The following KCNH8 variants were observed in gnomAD, a reference collection of about 807,000 sequenced individuals.
KCNH8 encodes voltage-gated delayed rectifier potassium channel KCNH8.
KCNH8 carries 70 observed loss-of-function variants against 103.6 expected under a neutral mutation model. That is an observed-to-expected ratio of 0.68 (90% CI 0.56 to 0.82). The LOEUF is 0.82. Ranked by LOEUF, KCNH8 falls within the 40% of genes least tolerant of loss-of-function variation. The pLI, the probability that KCNH8 is intolerant of heterozygous loss-of-function variation, is 0.00. For synonymous variants in KCNH8, 498 were observed against 489.4 expected, an observed-to-expected ratio of 1.02 and a Z score of -0.23; for missense variants, 1,217 against 1,329.9, an observed-to-expected ratio of 0.92 and a Z score of 1.32.
intron 11 of KCNH8, among the ~76,000 whole-genome samples, chr3:19,495,838 G>A (rs1457165320): frequency 6.6e-6 from 1 of 152,018 alleles, no homozygotes; most frequent in African/African-American, 2.4e-5. Context: ...TGAGCATGGA[G>A]TGTTTTTCCA....
chr3:19,357,018 A>AT (rs1040670229), intron 5 of KCNH8, among the ~76,000 whole-genome samples: 1 of 151,828 alleles, frequency 6.6e-6, no homozygotes, highest in African/African-American at 2.4e-5. Context: ...AAAAAAAGCA[A>AT]TTTTTTGTAG....
At chr3:19,386,148 C>T (rs553526552) in intron 5 of KCNH8, among the ~76,000 whole-genome samples, 5 of 152,046 alleles carry the variant, frequency 3.3e-5, no homozygotes, top group South Asian at 4.2e-4. Flanking sequence ...CTTTTTAGTC[C>T]GCATAAATAG....
intron 11 of KCNH8, among the ~76,000 whole-genome samples, chr3:19,462,549 T>A (rs2125193768): frequency 6.6e-6 from 1 of 152,336 alleles, no homozygotes; most frequent in South Asian, 2.1e-4. Context: ...TAGCCCTTTG[T>A]CAGGTGGGTA....
At chr3:19,489,645 C>T (rs1292962605) in intron 11 of KCNH8, among the ~76,000 whole-genome samples, 1 of 152,096 alleles carries the variant, frequency 6.6e-6, no homozygotes, top group Non-Finnish European at 1.5e-5. Flanking sequence ...AATTTTTCAA[C>T]ATAGTTCCTA....
rs529061938 is a variant in KCNH8, at chr3:19,518,053, G to C, written c.2598G>C (p.Gln866His). The C allele has an allele frequency of 3.5e-5, 57 of 1,612,096 alleles. No individual in the cohort carries two copies. Among genetic ancestry groups the C allele is most frequent in the Middle Eastern group, 3.3e-4 (2 of 6,040 alleles). ...LFIKAEETKQ[Q>H]INKLNSEVTT... ...TCAAAGCAGAGGAGACCAAGCAGCA[G>C]ATAAACAAACTCAACAGTGAGGTAT... The change falls in exon 15 of 16, where the codon CAG (glutamine) becomes CAC (histidine). Residue 866 changes from glutamine (Q) to histidine (H), a missense_variant. Gln to His is a conservative substitution (Grantham distance 24). Transcript: ENST00000328405.
Position 19,457,001 on chromosome 3 carries a change from T to A in KCNH8, c.2040+19T>A. 1 of 1,538,332 alleles carries A rather than the reference T, an allele frequency of 6.5e-7. No homozygotes were observed. The highest frequency in any genetic ancestry group is 9.0e-7 in the Non-Finnish European group (1 of 1,113,074). On this transcript the variant is annotated intron_variant, in intron 11 of 15. Coordinates refer to ENST00000328405, the MANE Select transcript of KCNH8 (RefSeq NM_144633.3). ...GAGTGATGTAAGTCCCATTTCTAAT[T>A]AGTGCTAAGACCTAATAACATTGGG...
intron 1 of KCNH8, among the ~76,000 whole-genome samples, chr3:19,237,170 A>G (rs2064077154): frequency 6.6e-6 from 1 of 152,222 alleles, no homozygotes; most frequent in Non-Finnish European, 1.5e-5. Context: ...GGTCACAGGT[A>G]GCATCTGTAG....
At chr3:19,463,054 T>C (rs995919514) in intron 11 of KCNH8, among the ~76,000 whole-genome samples, 3 of 152,158 alleles carry the variant, frequency 2.0e-5, no homozygotes, top group Non-Finnish European at 4.4e-5. Flanking sequence ...CAATACAGTA[T>C]AACAACTATT....
chr3:19,490,566 T>C (rs886648537), intron 11 of KCNH8, among the ~76,000 whole-genome samples: 8 of 152,222 alleles, frequency 5.3e-5, no homozygotes, highest in African/African-American at 1.9e-4. Context: ...GGGGTCGATC[T>C]TTAACTACCA....
chr3:19,519,645 C>T (rs542964532), intron 15 of KCNH8, among the ~76,000 whole-genome samples: 1 of 151,256 alleles, frequency 6.6e-6, no homozygotes, highest in Non-Finnish European at 1.5e-5. Context: ...CAAATAACCT[C>T]TTGTTAAAAC....
chr3:19,409,489 C>A (rs185245119), intron 7 of KCNH8, among the ~76,000 whole-genome samples: 87 of 152,240 alleles, frequency 5.7e-4, no homozygotes, highest in Middle Eastern at 3.4e-3. Flanking sequence ...CTAACAACTT[C>A]ATGATAAGAT....
chr3:19,504,501 C>T (rs189007089), intron 11 of KCNH8, among the ~76,000 whole-genome samples: 41 of 152,160 alleles, frequency 2.7e-4, no homozygotes, highest in Non-Finnish European at 4.3e-4. Flanking sequence ...ACAAACAACT[C>T]CACTAAAAAG....
intron 1 of KCNH8, among the ~76,000 whole-genome samples, chr3:19,220,211 A>G (rs762133691): frequency 2.0e-5 from 3 of 152,192 alleles, no homozygotes; most frequent in Non-Finnish European, 2.9e-5. Context: ...GGCGCCCAGC[A>G]TAGATGCTAT....
rs1223922201 is a variant in KCNH8, at chr3:19,456,980, G to A, written c.2038G>A (p.Asp680Asn). 1 of 1,604,738 alleles carries A rather than the reference G, an allele frequency of 6.2e-7. No individual in the cohort carries two copies. Among genetic ancestry groups the A allele is most frequent in the Non-Finnish European group, 8.5e-7 (1 of 1,172,556 alleles). The change falls in exon 11 of 16, where the codon GAT becomes AAT. Residue 680 changes from aspartate to asparagine, a missense_variant and splice_region_variant. Around this residue, in one of 3 missense-constraint regions of KCNH8, gnomAD observed 558 missense variants for 495.8 expected, o/e 1.13. Coordinates refer to ENST00000328405, the MANE Select transcript of KCNH8 (RefSeq NM_144633.3). ...TYNLREGHES[D>N]VISRLSNKSM... ...CAACCTCCGAGAAGGTCATGAGAGT[G>A]ATGTAAGTCCCATTTCTAATTAGTG... is the stretch of plus-strand genomic sequence containing the variant.
At chr3:19,312,505 C>T (rs1227450180) in intron 3 of KCNH8, among the ~76,000 whole-genome samples, 1 of 151,870 alleles carries the variant, frequency 6.6e-6, no homozygotes, top group Non-Finnish European at 1.5e-5. Flanking sequence ...GATTATATTA[C>T]TTCTTGGCAT....
intron 11 of KCNH8, among the ~76,000 whole-genome samples, chr3:19,467,358 A>G (rs1477768370): frequency 6.6e-6 from 1 of 151,932 alleles, no homozygotes; most frequent in Non-Finnish European, 1.5e-5. Context: ...TAACCAAGCA[A>G]CCTGCAAAGA....
At chr3:19,256,938 C>G (rs996317590) in intron 2 of KCNH8, among the ~76,000 whole-genome samples, 1 of 152,088 alleles carries the variant, frequency 6.6e-6, no homozygotes, top group Non-Finnish European at 1.5e-5. Context: ...ATATAAATAT[C>G]TGTCTGCAGA....
intron 3 of KCNH8, among the ~76,000 whole-genome samples, chr3:19,318,019 A>G (rs1232473632): frequency 6.6e-6 from 1 of 152,050 alleles, no homozygotes; most frequent in Non-Finnish European, 1.5e-5. Context: ...TCAAATAGGA[A>G]TAGAGGAAGT....
chr3:19,279,586 A>G (rs1048322308), intron 2 of KCNH8, among the ~76,000 whole-genome samples: 10 of 145,018 alleles, frequency 6.9e-5, no homozygotes, highest in African/African-American at 2.3e-4. Context: ...AAAAAAAAAT[A>G]AGGAGGAAAT....
Sources: allele counts gnomAD v4.1 joint callset (sites outside exome capture counted in the v4.1 genomes callset), GRCh38; gene constraint gnomAD v4.1.1; regional missense constraint gnomAD v4.1.1; transcripts MANE v1.5; gene names NCBI Gene and HGNC (gene_info 2026-07-23, HGNC 2026-07-21).